Variants in BAZ1A observed in about 807,000 individuals in gnomAD.
The protein encoded by BAZ1A is bromodomain adjacent to zinc finger domain protein 1A.
Under a neutral mutation model 185.2 loss-of-function variants are expected in BAZ1A, and 50 were observed. The ratio of observed to expected loss-of-function variants is 0.27; its 90% CI spans 0.22 to 0.34. The LOEUF (loss-of-function observed/expected upper bound fraction) is 0.34, where lower values mean the gene tolerates loss of function less well. Ranked by LOEUF, BAZ1A falls within the 10% of genes least tolerant of loss-of-function variation. The probability of loss-of-function intolerance (pLI) is 1.00; values close to 1 mark genes in which losing one functional copy is unlikely to be tolerated. For missense variants in BAZ1A, 1,356 were observed against 1,839.9 expected (o/e 0.74, Z 4.81); for synonymous variants, 571 against 615.6 (o/e 0.93, Z 1.07).
intron 16 of BAZ1A, 148 bp downstream of exon 16, chr14:34,782,971 T>G (rs1486667840): frequency 4.6e-6 from 3 of 650,580 alleles, no homozygotes; most frequent in Non-Finnish European, 8.2e-6. Context: ...AAAAATAGCC[T>G]ATTGAGTGTT....
intron 4 of BAZ1A, among the ~76,000 whole-genome samples, chr14:34,814,682 C>G (rs1267904655): frequency 6.6e-6 from 1 of 151,888 alleles, no homozygotes; most frequent in East Asian, 1.9e-4. Flanking sequence ...TCCACATTGC[C>G]CAGGGCTGGT....
Position 34,761,855 on chromosome 14 carries a change from G to A in BAZ1A, c.4145C>T (p.Thr1382Ile), listed in dbSNP as rs967437661. 21 of 1,614,172 alleles carry A rather than the reference G, an allele frequency of 1.3e-5. No homozygotes were observed. Among genetic ancestry groups the A allele is most frequent in the Admixed American group, 3.3e-5 (2 of 60,016 alleles). The change falls in exon 24 of 27, where the codon ACA (threonine) becomes ATA (isoleucine). Residue 1382 changes from threonine (T) to isoleucine (I), a missense_variant. Transcript: ENST00000360310. ...PNFPNFRVIA[T>I]KSSEQSRSVN... The stretch of plus-strand genomic sequence containing the variant: ...AGATCTTGACTGTTCACTTGACTTT[G>A]TGGCAATGACTCTGAAGTTAGGGAA...
In BAZ1A at chr14:34,792,800, C is replaced by G; in HGVS notation, c.1485G>C (p.Glu495Asp). Reference sequence around the variant, plus strand: ...CTTTGGTGTCAGCATCAGTTAGTTGCTCTTTGGCTACTTCCTCTTCTTCTT... The same window carrying G: ...CTTTGGTGTCAGCATCAGTTAGTTGGTCTTTGGCTACTTCCTCTTCTTCTT... ...IAEEEEEVAK[E>D]QLTDADTKDL... is the part of the protein sequence containing the mutation. Residue 495 changes from glutamate to aspartate, a missense_variant, in exon 12 of 27, where the codon GAG becomes GAC. By Grantham distance (45) the Glu-to-Asp change is conservative. This residue lies in a region of BAZ1A where 184 missense variants were observed against 355.1 expected (regional missense o/e 0.52). Coordinates refer to ENST00000360310, the MANE Select transcript of BAZ1A (RefSeq NM_013448.3). The G allele has an allele frequency of 6.2e-7, 1 of 1,613,890 alleles. No homozygotes were observed. The highest frequency in any genetic ancestry group is 1.7e-5 in the Admixed American group (1 of 59,936).
Position 34,874,663 on chromosome 14 carries a change from C to A in BAZ1A, c.-58-1G>T. ...GGCCGCCCGCGCCGGCCCCGCTTCC[C>A]TATCAAAATTGGAGGGAAAGGAAAG... On this transcript the variant is annotated splice_acceptor_variant, in intron 1 of 26. Transcript: ENST00000360310. LOFTEE classifies it low-confidence loss of function (5UTR_SPLICE). The surrounding 1 kb of genome is among the most constrained non-coding windows in gnomAD (Gnocchi z 4.7). 6.9e-7 allele frequency: 1 copy of A among 1,456,140 alleles called. No individual in the cohort carries two copies. 90.2% of individuals were successfully genotyped at this position (1,456,140 alleles called of 1,614,324 possible). A position where few individuals can be genotyped will look rare whatever the true frequency, so the allele number is the denominator to read the frequency against.
intron 17 of BAZ1A, 58 bp from the exon 18 acceptor site, chr14:34,776,573 T>C (rs767697736): frequency 2.1e-6 from 3 of 1,419,572 alleles, no homozygotes; most frequent in Admixed American, 4.6e-5. Flanking sequence ...ATTAGAAAAA[T>C]ATGAGATACA....
At chr14:34,767,630 C>T (rs752038584) in intron 21 of BAZ1A, among the ~76,000 whole-genome samples, 2 of 152,224 alleles carry the variant, frequency 1.3e-5, no homozygotes, top group South Asian at 2.1e-4. Context: ...GAGCGTTTTA[C>T]TTATCTTGGT....
In BAZ1A at chr14:34,792,962, A is replaced by G. The variant is rs534547806; in HGVS notation, c.1364-41T>C. ...TTAAAATGAATTTAAAGTTCTGTTC[A>G]TGTACTGAAAAAACAACTCCACTGG... On this transcript the variant is annotated intron_variant, in intron 11 of 26. Transcript: ENST00000360310. 3.3e-5 allele frequency: 52 copies of G among 1,554,338 alleles called. 1 individual carries two copies. The South Asian group carries it at 5.8e-4, about 17-fold the overall frequency.
chr14:34,771,806 G>A, intron 20 of BAZ1A, 147 bp from the exon 21 acceptor site: 2 of 661,254 alleles, frequency 3.0e-6, no homozygotes, highest in Non-Finnish European at 4.9e-6. Flanking sequence ...TAGTAGGGAA[G>A]GGAGATTCAT....
intron 2 of BAZ1A, among the ~76,000 whole-genome samples, chr14:34,873,649 C>T (rs576373412): frequency 6.6e-6 from 1 of 152,214 alleles, no homozygotes; most frequent in African/African-American, 2.4e-5. Flanking sequence ...CCGCGCTTCC[C>T]GGCTATGCGA....
chr14:34,868,838 C>G (rs551281592), intron 2 of BAZ1A, among the ~76,000 whole-genome samples: 4 of 150,872 alleles, frequency 2.7e-5, no homozygotes, highest in African/African-American at 9.7e-5. Context: ...CAGATAAAAA[C>G]AAAGTGTACT....
chr14:34,859,464 C>T (rs185414196), intron 3 of BAZ1A, among the ~76,000 whole-genome samples: 12 of 151,532 alleles, frequency 7.9e-5, no homozygotes, highest in Non-Finnish European at 1.3e-4. Flanking sequence ...AAAACAACAG[C>T]GTAACTTAAT....
At chr14:34,808,903 A>G (rs2041889500) in intron 5 of BAZ1A, among the ~76,000 whole-genome samples, 1 of 152,202 alleles carries the variant, frequency 6.6e-6, no homozygotes, top group Non-Finnish European at 1.5e-5. Flanking sequence ...AATAAACAAT[A>G]TATGATTTTT....
intron 3 of BAZ1A, among the ~76,000 whole-genome samples, chr14:34,853,049 C>CA (rs35471724): frequency 0.16 from 23,122 of 148,756 alleles, 1,967 homozygotes; most frequent in Admixed American, 0.28. Flanking sequence ...TGAACAATTA[C>CA]AAAAAAAAAA....
intron 3 of BAZ1A, among the ~76,000 whole-genome samples, chr14:34,859,874 G>A (rs562592751): frequency 5.3e-5 from 8 of 152,200 alleles, no homozygotes; most frequent in African/African-American, 1.9e-4. Flanking sequence ...AGGAGTTGAG[G>A]AGTTGGGGAG....
At chr14:34,770,956 A>G (rs1274272285) in intron 21 of BAZ1A, among the ~76,000 whole-genome samples, 1 of 152,114 alleles carries the variant, frequency 6.6e-6, no homozygotes, top group Non-Finnish European at 1.5e-5. Flanking sequence ...AAAGTTACAC[A>G]TAATCTTTGA....
intron 3 of BAZ1A, chr14:34,828,551 A>C (rs2042195529): frequency 1.1e-5 from 1 of 94,880 alleles, no homozygotes. Flanking sequence ...TAACATTAGA[A>C]AATGAAAGAA....
At chr14:34,797,499 C>T (rs939073652) in intron 9 of BAZ1A, among the ~76,000 whole-genome samples, 1 of 151,964 alleles carries the variant, frequency 6.6e-6, no homozygotes, top group African/African-American at 2.4e-5. Flanking sequence ...GCAGAGGTTG[C>T]AGTGAACCCA....
chr14:34,857,692 T>C (rs2042704857), intron 3 of BAZ1A, among the ~76,000 whole-genome samples: 1 of 152,240 alleles, frequency 6.6e-6, no homozygotes, highest in Admixed American at 6.5e-5. Flanking sequence ...CCTGTTGTAG[T>C]AGCCTCCAAA....
intron 16 of BAZ1A, among the ~76,000 whole-genome samples, chr14:34,782,234 ATTGT>A (rs946971715): frequency 2.0e-4 from 30 of 152,302 alleles, no homozygotes; most frequent in African/African-American, 6.7e-4. Flanking sequence ...CAAACTTGTT[ATTGT>A]TTGTCAATTT....
Sources: gnomAD v4.1 joint callset for allele counts (sites outside exome capture counted in the v4.1 genomes callset) on GRCh38, gnomAD v4.1.1 for gene constraint, gnomAD v4.1.1 regional missense constraint, Gnocchi (gnomAD v3.1) non-coding constraint, MANE v1.5 for transcripts, NCBI Gene and HGNC (gene_info 2026-07-23, HGNC 2026-07-21) for gene names.